NFAT5: variants seen among roughly 807,000 people sequenced by gnomAD.
NFAT5 encodes the protein nuclear factor of activated T cells 5.
A neutral mutation model predicts 166.5 loss-of-function variants in NFAT5; 31 were observed. That is an observed-to-expected ratio of 0.19 (90% confidence interval 0.14 to 0.25). The LOEUF is 0.25. NFAT5 is among the 10% of genes least tolerant of loss of function. The pLI is 1.00. For missense variants in NFAT5, 1,449 were observed against 1,821.8 expected (o/e 0.80, Z 3.72); for synonymous variants, 612 against 639.7 (o/e 0.96, Z 0.65).
At chr16:69,657,478 G>A (rs1489180028) in intron 6 of NFAT5, among the ~76,000 whole-genome samples, 1 of 151,500 alleles carries the variant, frequency 6.6e-6, no homozygotes. Context: ...TAAAAAAGGG[G>A]CTGGGCACGC....
At position 69,568,551 on chromosome 16, in the gene NFAT5, C is replaced by T. The variant is rs1170064520; in HGVS notation, c.127+3C>T. On this transcript the variant is annotated splice_donor_region_variant and intron_variant, in intron 2 of 14. Coordinates refer to ENST00000349945, the MANE Select transcript of NFAT5 (RefSeq NM_138713.4). ...TCATAGAGCTGGACTATTGGAAGGT[C>T]AGCAAAGTACCATTTTAAAGCATAT... 1.2e-5 allele frequency: 19 copies of T among 1,609,816 alleles called. No individual in the cohort carries two copies. The highest frequency in any genetic ancestry group is 1.5e-5 in the Non-Finnish European group (18 of 1,177,566).
At chr16:69,622,349 A>G (rs2034237966) in intron 2 of NFAT5, among the ~76,000 whole-genome samples, 1 of 152,230 alleles carries the variant, frequency 6.6e-6, no homozygotes, top group Non-Finnish European at 1.5e-5. Flanking sequence ...GATAGGCATG[A>G]TAAACTTCTG....
At chr16:69,648,243 C>G in intron 4 of NFAT5, 5 of 984,226 alleles carry the variant, frequency 5.1e-6, no homozygotes, top group Non-Finnish European at 6.0e-6. Context: ...TCCAAAACAA[C>G]TCAAACAGTC....
At chr16:69,675,696 A>G (rs1044261954) in intron 9 of NFAT5, among the ~76,000 whole-genome samples, 4 of 151,956 alleles carry the variant, frequency 2.6e-5, no homozygotes, top group African/African-American at 7.3e-5. Context: ...CTGGAGTGCA[A>G]TGACGCGCTC....
rs139284397 is a variant in NFAT5 at position 69,619,025 on chromosome 16, C to T, written c.128-7378C>T. On this transcript the variant is annotated intron_variant, in intron 2 of 14. Transcript: ENST00000349945. ...CTTTTTTCCCCGTTTTTATTATCCA[C>T]CTCTGTATAGATGCAAGTCCATAGT... Among the ~76,000 whole-genome samples the T allele has an allele frequency of 5.8e-3, 882 of 152,274 alleles. 7 individuals carry two copies. Among genetic ancestry groups the T allele is most frequent in the African/African-American group, 0.02 (819 of 41,546 alleles).
chr16:69,693,857 A>T lies in NFAT5; in HGVS notation c.4032A>T (p.Gln1344His). The T allele has an allele frequency of 6.2e-7, 1 of 1,614,186 alleles. No individual in the cohort carries two copies. The highest frequency in any genetic ancestry group is 8.5e-7 in the Non-Finnish European group (1 of 1,180,032). The change falls in exon 13 of 15, where the codon CAA becomes CAT. Residue 1344 changes from glutamine to histidine, a missense_variant. Coordinates refer to ENST00000349945, the MANE Select transcript of NFAT5 (RefSeq NM_138713.4). ...TGAATCAAGAGCAACAGCCCATGCA[A>T]TTTCAGAGTCAGTCCACAGTTTCCT... ...APMNQEQQPM[Q>H]FQSQSTVSSL...
chr16:69,675,042 G>A (rs1473744421), intron 9 of NFAT5, among the ~76,000 whole-genome samples: 1 of 152,164 alleles, frequency 6.6e-6, no homozygotes, highest in Non-Finnish European at 1.5e-5. Context: ...ACTAGTGACA[G>A]TTTACCTAAT....
At chr16:69,589,689 C>CT (rs371158504) in intron 2 of NFAT5, among the ~76,000 whole-genome samples, 21 of 152,232 alleles carry the variant, frequency 1.4e-4, no homozygotes, top group African/African-American at 4.8e-4. Flanking sequence ...TAAGATATGG[C>CT]TCTTGAATTC....
intron 2 of NFAT5, among the ~76,000 whole-genome samples, chr16:69,587,956 T>C (rs1362651174): frequency 1.4e-5 from 2 of 140,774 alleles, no homozygotes; most frequent in Admixed American, 1.4e-4. Flanking sequence ...TTTTTTTTTT[T>C]TTTTTTTTTT....
chr16:69,592,605 C>G (rs1476012831), intron 2 of NFAT5, among the ~76,000 whole-genome samples: 1 of 152,066 alleles, frequency 6.6e-6, no homozygotes, highest in Non-Finnish European at 1.5e-5. Context: ...TTTTTTCCCT[C>G]ATAATGTTTC....
intron 2 of NFAT5, among the ~76,000 whole-genome samples, chr16:69,617,091 C>A (rs1388263944): frequency 6.6e-6 from 1 of 151,794 alleles, no homozygotes; most frequent in Non-Finnish European, 1.5e-5. Flanking sequence ...CAACAGGCGC[C>A]CACCATCACG....
chr16:69,645,541 A>C (rs2035402108), intron 3 of NFAT5, among the ~76,000 whole-genome samples: 1 of 152,170 alleles, frequency 6.6e-6, no homozygotes, highest in South Asian at 2.1e-4. Flanking sequence ...TTTTAAATAC[A>C]TGTTTTCAAT....
intron 2 of NFAT5, among the ~76,000 whole-genome samples, chr16:69,579,327 A>T (rs1267718830): frequency 6.6e-6 from 1 of 152,120 alleles, no homozygotes; most frequent in Non-Finnish European, 1.5e-5. Flanking sequence ...ATTATTTTTA[A>T]AGAACTTTTC....
In NFAT5 at chr16:69,566,568, C is replaced by T. The variant is rs1363825343; in HGVS notation, c.73+194C>T. ...GAGGGGGCGGGCGGAGCAGTGGCGG[C>T]CCCTCCCCCGCGGAGCCGCCGGCCG... On this transcript the variant is annotated intron_variant, in intron 1 of 14. Transcript: ENST00000349945. The surrounding 1 kb of genome is among the most constrained non-coding windows in gnomAD (Gnocchi z 5.7). Among the ~76,000 whole-genome samples, 1 of 151,984 alleles carries T rather than the reference C, an allele frequency of 6.6e-6. No homozygotes were observed. The highest frequency in any genetic ancestry group is 1.5e-5 in the Non-Finnish European group (1 of 67,890).
At chr16:69,657,533 G>A (rs1043279889) in intron 6 of NFAT5, among the ~76,000 whole-genome samples, 1 of 151,014 alleles carries the variant, frequency 6.6e-6, no homozygotes, top group Non-Finnish European at 1.5e-5. Context: ...GGCCGAGGCA[G>A]GTGGATCACT....
intron 2 of NFAT5, among the ~76,000 whole-genome samples, chr16:69,616,867 C>G (rs1369941990): frequency 1.3e-5 from 2 of 151,896 alleles, no homozygotes; most frequent in Non-Finnish European, 2.9e-5. Context: ...TATCCTTCCC[C>G]CTCCCCTCTA....
intron 2 of NFAT5, among the ~76,000 whole-genome samples, chr16:69,576,248 C>T (rs1041872204): frequency 2.7e-5 from 4 of 146,602 alleles, no homozygotes; most frequent in Middle Eastern, 3.6e-3. Flanking sequence ...GCGGAGATGG[C>T]GCCTCTGCAC....
At chr16:69,574,022 C>A (rs1171314269) in intron 2 of NFAT5, among the ~76,000 whole-genome samples, 1 of 152,028 alleles carries the variant, frequency 6.6e-6, no homozygotes, top group Admixed American at 6.6e-5. Flanking sequence ...CAAGGGCGCA[C>A]CACCACACCT....
Position 69,693,256 on chromosome 16 carries a change from T to TAC in NFAT5, c.3433_3434dup (p.Gln1145HisfsTer22). 1 of 1,614,212 alleles carries TAC rather than the reference T, an allele frequency of 6.2e-7. No homozygotes were observed. The highest frequency in any genetic ancestry group is 8.5e-7 in the Non-Finnish European group (1 of 1,180,026). ...CACTCTCAAAGTACCATTGCTGTGT[T>TAC]ACAGGGCTCTTCAGTTCCTCAAGAC... is the stretch of plus-strand genomic sequence containing the variant. On this transcript the variant is annotated frameshift_variant, in exon 13 of 15. Transcript: ENST00000349945. LOFTEE classifies it high-confidence loss of function.
Sources: gnomAD v4.1 joint callset for allele counts (sites outside exome capture counted in the v4.1 genomes callset) on GRCh38, gnomAD v4.1.1 for gene constraint, Gnocchi (gnomAD v3.1) non-coding constraint, MANE v1.5 for transcripts, NCBI Gene and HGNC (gene_info 2026-07-23, HGNC 2026-07-21) for gene names.